Variants in FBXW7 observed in about 807,000 individuals in gnomAD.
FBXW7 encodes the protein F-box/WD repeat-containing protein 7.
A neutral mutation model predicts 86.3 loss-of-function variants in FBXW7; 11 were observed. The ratio of observed to expected loss-of-function variants is 0.13; its 90% CI spans 0.08 to 0.21. The LOEUF is 0.21. Ranked by LOEUF, FBXW7 falls within the 10% of genes least tolerant of loss-of-function variation. The pLI, the probability that FBXW7 is intolerant of heterozygous loss-of-function variation, is 1.00. For synonymous variants in FBXW7, 313 were observed against 297.9 expected (o/e 1.05, Z -0.52); for missense variants, 488 against 847.4 (o/e 0.58, Z 5.27).
At chr4:152,443,169 G>A (rs747940209) in intron 2 of FBXW7, among the ~76,000 whole-genome samples, 7 of 152,264 alleles carry the variant, frequency 4.6e-5, no homozygotes, top group East Asian at 3.9e-4. Flanking sequence ...GGCAGAGGCC[G>A]GAGTATCACT....
chr4:152,515,755 T>C (rs370194905), intron 2 of FBXW7, among the ~76,000 whole-genome samples: 233 of 142,922 alleles, frequency 1.6e-3, no homozygotes, highest in Admixed American at 4.0e-3. Context: ...ACAACTCTCT[T>C]TTTTTTTTTT....
At chr4:152,527,779 TA>T (rs953080934) in intron 2 of FBXW7, among the ~76,000 whole-genome samples, 1 of 151,136 alleles carries the variant, frequency 6.6e-6, no homozygotes, top group South Asian at 2.1e-4. Flanking sequence ...ACCCTGTCTC[TA>T]AAAAAAATAA....
At chr4:152,514,255 C>T (rs1560988214) in intron 2 of FBXW7, among the ~76,000 whole-genome samples, 2 of 152,086 alleles carry the variant, frequency 1.3e-5, no homozygotes, top group African/African-American at 4.8e-5. Flanking sequence ...CTTGGGGTTC[C>T]CTTTCTCTTA....
At chr4:152,398,053 T>C (rs1033186679) in intron 4 of FBXW7, among the ~76,000 whole-genome samples, 3 of 151,880 alleles carry the variant, frequency 2.0e-5, no homozygotes, top group East Asian at 3.9e-4. Context: ...AGTAGCAAAA[T>C]GCTAGCTGCT....
chr4:152,409,738 T>C (rs540371996), intron 4 of FBXW7, among the ~76,000 whole-genome samples: 2 of 151,228 alleles, frequency 1.3e-5, no homozygotes, highest in African/African-American at 4.9e-5. Context: ...ATCTATACTG[T>C]ACATGTGTAT....
intron 6 of FBXW7, among the ~76,000 whole-genome samples, chr4:152,338,256 A>G (rs1191274226): frequency 6.6e-6 from 1 of 152,086 alleles, no homozygotes; most frequent in Non-Finnish European, 1.5e-5. Flanking sequence ...TATTCCAGAA[A>G]CATCATTTTG....
intron 4 of FBXW7, among the ~76,000 whole-genome samples, chr4:152,350,922 A>G (rs1013743787): frequency 6.6e-6 from 1 of 152,022 alleles, no homozygotes; most frequent in Non-Finnish European, 1.5e-5. Context: ...GTTATACTAT[A>G]AATATATTCA....
chr4:152,390,719 T>C (rs973186009), intron 4 of FBXW7, among the ~76,000 whole-genome samples: 12 of 152,104 alleles, frequency 7.9e-5, no homozygotes, highest in African/African-American at 2.9e-4. Context: ...TAAACATTAC[T>C]TACCAATAAT....
At chr4:152,530,981 A>G (rs1416602265) in intron 2 of FBXW7, 1 of 152,248 alleles carries the variant, frequency 6.6e-6, no homozygotes, top group African/African-American at 2.4e-5. Context: ...AAGCACCAGA[A>G]GACTTCTCCA....
intron 2 of FBXW7, among the ~76,000 whole-genome samples, chr4:152,532,270 G>A (rs142549531): frequency 2.6e-5 from 4 of 152,128 alleles, no homozygotes; most frequent in African/African-American, 9.7e-5. Flanking sequence ...AACACACTAA[G>A]CATCTTCTTT....
At chr4:152,371,973 C>T (rs1227814536) in intron 4 of FBXW7, among the ~76,000 whole-genome samples, 1 of 151,760 alleles carries the variant, frequency 6.6e-6, no homozygotes, top group Non-Finnish European at 1.5e-5. Flanking sequence ...AGAGAGTATG[C>T]ATACTATATA....
At chr4:152,354,287 T>C (rs1314921327) in intron 4 of FBXW7, among the ~76,000 whole-genome samples, 1 of 152,036 alleles carries the variant, frequency 6.6e-6, no homozygotes, top group Admixed American at 6.6e-5. Flanking sequence ...AATATGTATA[T>C]GTACTCAGCA....
chr4:152,434,347 T>G (rs181906275), intron 2 of FBXW7, among the ~76,000 whole-genome samples: 1 of 152,348 alleles, frequency 6.6e-6, no homozygotes, highest in African/African-American at 2.4e-5. Context: ...CAAAAAGAAG[T>G]AATAAAGTAG....
chr4:152,468,836 C>T (rs191414612), intron 2 of FBXW7, among the ~76,000 whole-genome samples: 93 of 152,030 alleles, frequency 6.1e-4, no homozygotes, highest in Non-Finnish European at 1.0e-3. Flanking sequence ...CTCAAATATA[C>T]GCATCAATAG....
At chr4:152,422,971 C>T (rs909643201) in intron 2 of FBXW7, among the ~76,000 whole-genome samples, 29 of 152,126 alleles carry the variant, frequency 1.9e-4, no homozygotes, top group Non-Finnish European at 1.5e-4. Context: ...TCTGACTTTT[C>T]GTAGTGTAGA....
chr4:152,353,414 A>G (rs758390873), intron 4 of FBXW7, among the ~76,000 whole-genome samples: 8 of 152,198 alleles, frequency 5.3e-5, no homozygotes, highest in Non-Finnish European at 7.3e-5. Flanking sequence ...AACATTGCCT[A>G]TGCTTTTCCA....
chr4:152,373,476 G>A (rs1237326696), intron 4 of FBXW7, among the ~76,000 whole-genome samples: 1 of 151,938 alleles, frequency 6.6e-6, no homozygotes, highest in African/African-American at 2.4e-5. Context: ...TTCTAGGAAA[G>A]TTCTCTACTC....
Position 152,330,740 on chromosome 4 carries a change from A to G in FBXW7, c.1114T>C (p.Ser372Pro). 1 of 1,611,830 alleles carries G rather than the reference A, an allele frequency of 6.2e-7. No homozygotes were observed. Among genetic ancestry groups the G allele is most frequent in the South Asian group, 1.1e-5 (1 of 90,908 alleles). The change falls in exon 9 of 14, where the codon TCT (serine) becomes CCT (proline). Residue 372 changes from serine to proline, a missense_variant. Physicochemically the swap from Ser to Pro is moderately conservative, Grantham distance 74 (BLOSUM62 -1). Coordinates refer to ENST00000281708, the MANE Select transcript of FBXW7 (RefSeq NM_001349798.2). ...DTNWRRGELK[S>P]PKVLKGHDDH... ...GTGCAGAGTTCAGTTACCTTAGGAG[A>G]TTTGAGTTCTCCTCGCCTCCAGTTA...
chr4:152,445,321 G>GT (rs147668688), intron 2 of FBXW7, among the ~76,000 whole-genome samples: 2,087 of 152,256 alleles, frequency 0.014, 26 homozygotes, highest in Middle Eastern at 0.037. Flanking sequence ...TTAATTGAAA[G>GT]TACAAATACA....
Sources: allele counts gnomAD v4.1 joint callset (sites outside exome capture counted in the v4.1 genomes callset), GRCh38; gene constraint gnomAD v4.1.1; transcripts MANE v1.5; gene names NCBI Gene and HGNC (gene_info 2026-07-23, HGNC 2026-07-21).